LDB2: variants seen among roughly 807,000 people sequenced by gnomAD.
LDB2 encodes LIM domain binding 2.
Under a neutral mutation model 44.3 loss-of-function variants are expected in LDB2, and 12 were observed. The ratio of observed to expected loss-of-function variants is 0.27; its 90% CI spans 0.17 to 0.44. The LOEUF (loss-of-function observed/expected upper bound fraction) is 0.44. Among genes scored for constraint, LDB2 ranks in the 20% least tolerant of loss-of-function variants. The probability of loss-of-function intolerance (pLI) is 1.00; values close to 1 mark genes in which losing one functional copy is unlikely to be tolerated. For synonymous variants in LDB2, 164 were observed against 174.8 expected, an observed-to-expected ratio of 0.94 and a Z score of 0.49; for missense variants, 344 against 473.5, an observed-to-expected ratio of 0.73 and a Z score of 2.54.
intron 2 of LDB2, among the ~76,000 whole-genome samples, chr4:16,661,209 A>C (rs1741493254): frequency 6.6e-6 from 1 of 152,202 alleles, no homozygotes; most frequent in Non-Finnish European, 1.5e-5. Context: ...ATCTGTCCCC[A>C]CTGCTAGACA....
chr4:16,827,789 G>A (rs1355845890), intron 1 of LDB2, among the ~76,000 whole-genome samples: 2 of 152,144 alleles, frequency 1.3e-5, no homozygotes, highest in Non-Finnish European at 2.9e-5. Context: ...AAACAAGGAG[G>A]ATCACAAAGA....
chr4:16,584,641 C>G (rs1716074029), intron 5 of LDB2, among the ~76,000 whole-genome samples: 1 of 152,216 alleles, frequency 6.6e-6, no homozygotes, highest in Non-Finnish European at 1.5e-5. Flanking sequence ...CTCCCTACTG[C>G]CCAAACCCAT....
chr4:16,632,565 T>C (rs554429370), intron 2 of LDB2, among the ~76,000 whole-genome samples: 31 of 152,284 alleles, frequency 2.0e-4, no homozygotes, highest in Non-Finnish European at 4.1e-4. Context: ...CAGCATAGTA[T>C]TGGAAATTCT....
rs982172816 is a variant in LDB2 at position 16,582,825 on chromosome 4, G to C, written c.615+3097C>G. ...GCCACAGCTCCACTGGGACCACCAA[G>C]TCAGCCATCATCGTACCTCTTAGCT... On this transcript the variant is annotated intron_variant, in intron 5 of 7. Coordinates refer to ENST00000304523, the MANE Select transcript of LDB2 (RefSeq NM_001290.5). The surrounding 1 kb of genome is among the most constrained non-coding windows in gnomAD (Gnocchi z 4.8). 3.3e-5 allele frequency among the ~76,000 whole-genome samples: 5 copies of C among 152,156 alleles called. No homozygotes were observed. Among genetic ancestry groups the C allele is most frequent in the African/African-American group, 1.2e-4 (5 of 41,440 alleles).
At chr4:16,724,625 A>G (rs1759036385) in intron 2 of LDB2, among the ~76,000 whole-genome samples, 4 of 152,076 alleles carry the variant, frequency 2.6e-5, no homozygotes, top group Admixed American at 1.3e-4. Flanking sequence ...TCCTTCCAGA[A>G]CCATGTTCAC....
At chr4:16,794,305 G>T (rs774328026) in intron 1 of LDB2, among the ~76,000 whole-genome samples, 2 of 152,172 alleles carry the variant, frequency 1.3e-5, no homozygotes, top group Non-Finnish European at 2.9e-5. Flanking sequence ...GGGTATCTTG[G>T]CTAAGGGAAC....
At chr4:16,503,792 T>A (rs1718263509) in intron 7 of LDB2, among the ~76,000 whole-genome samples, 1 of 152,222 alleles carries the variant, frequency 6.6e-6, no homozygotes, top group Non-Finnish European at 1.5e-5. Context: ...ATCACTCTTT[T>A]AAGTACAAAT....
chr4:16,674,141 T>A, intron 2 of LDB2: 1 of 807,534 alleles, frequency 1.2e-6, no homozygotes, highest in South Asian at 1.5e-5. Flanking sequence ...TATTTCCCAT[T>A]TTACGCATTT....
chr4:16,714,501 A>G (rs1002321235), intron 2 of LDB2, among the ~76,000 whole-genome samples: 1 of 152,084 alleles, frequency 6.6e-6, no homozygotes, highest in Admixed American at 6.6e-5. Context: ...CCCCTCTGGG[A>G]AAAAAATGAG....
At chr4:16,677,970 T>G (rs980075515) in intron 2 of LDB2, among the ~76,000 whole-genome samples, 2 of 152,242 alleles carry the variant, frequency 1.3e-5, no homozygotes, top group African/African-American at 4.8e-5. Context: ...GACACCTAAG[T>G]GTGTAGACCG....
Position 16,563,429 on chromosome 4 carries a change from A to ATTT in LDB2, c.615+22490_615+22492dup, listed in dbSNP as rs1169491759. On this transcript the variant is annotated intron_variant, in intron 5 of 7. Coordinates refer to ENST00000304523, the MANE Select transcript of LDB2 (RefSeq NM_001290.5). ...TCAAAACCATCTCATCAGTCATCAG[A>ATTT]TTTTTTTTTTTTTTTTTTTTTTTTT... Among the ~76,000 whole-genome samples the ATTT allele has an allele frequency of 3.1e-3, 143 of 46,576 alleles. 51 individuals carry two copies. The highest frequency in any genetic ancestry group is 3.9e-3 in the Non-Finnish European group (98 of 25,264). 30.6% of individuals were successfully genotyped at this position (46,576 alleles called of 152,430 possible).
chr4:16,669,553 T>C (rs1055769508), intron 2 of LDB2, among the ~76,000 whole-genome samples: 2 of 152,226 alleles, frequency 1.3e-5, no homozygotes, highest in Non-Finnish European at 2.9e-5. Flanking sequence ...TCATATACGT[T>C]GACAAATATA....
intron 1 of LDB2, among the ~76,000 whole-genome samples, chr4:16,850,402 T>C (rs1787970658): frequency 6.6e-6 from 1 of 152,178 alleles, no homozygotes; most frequent in Non-Finnish European, 1.5e-5. Context: ...ATCTACATTA[T>C]AGAAATATTG....
intron 2 of LDB2, among the ~76,000 whole-genome samples, chr4:16,605,933 C>T (rs1394954381): frequency 2.6e-5 from 4 of 152,146 alleles, no homozygotes; most frequent in Admixed American, 1.3e-4. Flanking sequence ...AAATACCTTT[C>T]TATGGTGTTA....
In LDB2 at chr4:16,777,335, C is replaced by T. The variant is rs114037025; in HGVS notation, c.133-18075G>A. 1.4e-3 allele frequency among the ~76,000 whole-genome samples: 219 copies of T among 152,092 alleles called. 1 individual carries two copies. Among genetic ancestry groups the T allele is most frequent in the African/African-American group, 4.9e-3 (202 of 41,490 alleles). On this transcript the variant is annotated intron_variant, in intron 1 of 7. Coordinates refer to ENST00000304523, the MANE Select transcript of LDB2 (RefSeq NM_001290.5). ...TTTCCTGTTAGTGCAACATTTCAAC[C>T]GAGAGCCGAGGCATGAGAGGATTTG...
At chr4:16,620,590 C>G (rs1728599643) in intron 2 of LDB2, among the ~76,000 whole-genome samples, 2 of 152,226 alleles carry the variant, frequency 1.3e-5, no homozygotes, top group Admixed American at 1.3e-4. Context: ...TTCTCATTCA[C>G]TCCATCTGGG....
At chr4:16,720,268 G>A (rs1056087918) in intron 2 of LDB2, among the ~76,000 whole-genome samples, 4 of 152,036 alleles carry the variant, frequency 2.6e-5, no homozygotes, top group African/African-American at 4.8e-5. Flanking sequence ...GAGGGGTGGT[G>A]GGGGCGGGTA....
At chr4:16,571,453 CAA>C (rs34875159) in intron 5 of LDB2, among the ~76,000 whole-genome samples, 5 of 138,198 alleles carry the variant, frequency 3.6e-5, no homozygotes, top group African/African-American at 1.1e-4. Context: ...GGCAATTCGG[CAA>C]AAAAAAAAAA....
chr4:16,724,860 A>G (rs1759079773), intron 2 of LDB2, among the ~76,000 whole-genome samples: 2 of 152,216 alleles, frequency 1.3e-5, no homozygotes, highest in Non-Finnish European at 1.5e-5. Context: ...GGTACTCCCC[A>G]GTGCACATAC....
Sources: gnomAD v4.1 joint callset for allele counts (sites outside exome capture counted in the v4.1 genomes callset) on GRCh38, gnomAD v4.1.1 for gene constraint, Gnocchi (gnomAD v3.1) non-coding constraint, MANE v1.5 for transcripts, NCBI Gene and HGNC (gene_info 2026-07-23, HGNC 2026-07-21) for gene names.